The following LAP3 variants were observed in gnomAD, a reference collection of about 807,000 sequenced individuals.
LAP3 encodes the protein cytosol aminopeptidase.
LAP3 carries 46 observed loss-of-function variants against 58.8 expected under a neutral mutation model. The ratio of observed to expected loss-of-function variants is 0.78; its 90% CI spans 0.62 to 1.00. LAP3 has a LOEUF of 1.00. Ranked by LOEUF, LAP3 falls within the 50% of genes least tolerant of loss-of-function variation. The pLI, the probability that LAP3 is intolerant of heterozygous loss-of-function variation, is 0.00. For missense variants in LAP3, 615 were observed against 659.1 expected (o/e 0.93, Z 0.73); for synonymous variants, 257 against 237.7 (o/e 1.08, Z -0.75).
intron 1 of LAP3, among the ~76,000 whole-genome samples, chr4:17,579,572 G>T (rs1311492967): frequency 6.6e-6 from 1 of 152,186 alleles, no homozygotes; most frequent in African/African-American, 2.4e-5. Flanking sequence ...TCTCCTAGGA[G>T]TGAGCACAGA....
Position 17,607,405 on chromosome 4 carries a change from C to T in LAP3, c.1376C>T (p.Ala459Val), listed in dbSNP as rs1714168555. 3.7e-6 allele frequency: 6 copies of T among 1,611,104 alleles called. No homozygotes were observed. The African/African-American group carries it at 4.0e-5, about 11-fold the overall frequency. Residue 459 changes from alanine (A) to valine (V), a missense_variant, in exon 13 of 13, where the codon GCA becomes GTA. Ala to Val is a moderately conservative substitution (Grantham distance 64). Transcript: ENST00000226299. ...CTTTTTGTCTTTCTCTTCAGATCTGCAGGAGCATGTACAGCTGCAGCATTC... is the reference window on the plus strand; with the variant it reads ...CTTTTTGTCTTTCTCTTCAGATCTGTAGGAGCATGTACAGCTGCAGCATTC... ...DVNNIGKYRS[A>V]GACTAAAFLK... is the part of the protein sequence containing the mutation.
chr4:17,603,676 G>A lies in LAP3; in HGVS notation c.1181-912G>A, dbSNP rs182741890. Among the ~76,000 whole-genome samples, 640 of 149,994 alleles carry A rather than the reference G, an allele frequency of 4.3e-3. 3 individuals carry two copies. The highest frequency in any genetic ancestry group is 0.011 in the Middle Eastern group (3 of 284). Reference sequence around the variant, plus strand: ...GATTACAGGCATGCACCCCACGCCCGACTAATTTTGTATTTTTAGTAGAGA... The same window carrying A: ...GATTACAGGCATGCACCCCACGCCCAACTAATTTTGTATTTTTAGTAGAGA... On this transcript the variant is annotated intron_variant, in intron 10 of 12. Coordinates refer to ENST00000226299, the MANE Select transcript of LAP3 (RefSeq NM_015907.3).
chr4:17,580,905 T>C (rs1713345903), intron 2 of LAP3, among the ~76,000 whole-genome samples: 1 of 152,250 alleles, frequency 6.6e-6, no homozygotes, highest in Admixed American at 6.5e-5. Flanking sequence ...TGGAACCTAA[T>C]AGATGCAGTC....
Position 17,606,895 on chromosome 4 carries a change from G to A in LAP3, c.1327G>A (p.Val443Ile), listed in dbSNP as rs1447908593. The A allele has an allele frequency of 2.5e-6, 4 of 1,613,552 alleles. No individual in the cohort carries two copies. The highest frequency in any genetic ancestry group is 2.2e-5 in the South Asian group (2 of 90,966). ...CTTCGAACATTATACAAGACAGGTT[G>A]TAGATTGCCAGCTTGCTGATGTTAA... ...PLFEHYTRQV[V>I]DCQLADVNNI... The change falls in exon 12 of 13, where the codon GTA becomes ATA. Residue 443 changes from valine to isoleucine, a missense_variant. Physicochemically the swap from Val to Ile is conservative, Grantham distance 29. Transcript: ENST00000226299.
rs535635871 is a variant in LAP3, at chr4:17,591,113, G to C, written c.863+2136G>C. On this transcript the variant is annotated intron_variant, in intron 7 of 12. Transcript: ENST00000226299. ...GTTTTTTGAGACGGAATCTTGCTCT[G>C]TTGCCCAGGCTGGAGTGCATTGGCG... Among the ~76,000 whole-genome samples, 10 of 151,246 alleles carry C rather than the reference G, an allele frequency of 6.6e-5. No individual in the cohort carries two copies. The East Asian group carries it at 1.6e-3, about 24-fold the overall frequency.
Position 17,607,606 on chromosome 4 carries a change from T to C in LAP3, c.*17T>C. 2 of 1,582,330 alleles carry C rather than the reference T, an allele frequency of 1.3e-6. No individual in the cohort carries two copies. The highest frequency in any genetic ancestry group is 1.7e-6 in the Non-Finnish European group (2 of 1,164,186). Reference sequence around the variant, plus strand: ...AATGCTTAGTTCAGATACTCAAAAATGTCTTCACTCTGTCTTAAATTGGAC... The same window carrying C: ...AATGCTTAGTTCAGATACTCAAAAACGTCTTCACTCTGTCTTAAATTGGAC... On this transcript the variant is annotated 3_prime_UTR_variant, in exon 13 of 13. Coordinates refer to ENST00000226299, the MANE Select transcript of LAP3 (RefSeq NM_015907.3).
intron 7 of LAP3, among the ~76,000 whole-genome samples, chr4:17,589,968 G>C (rs940790929): frequency 6.6e-6 from 1 of 152,170 alleles, no homozygotes; most frequent in Non-Finnish European, 1.5e-5. Flanking sequence ...ACTGTATCTG[G>C]TTATTTCAGC....
intron 10 of LAP3, 121 bp from the exon 11 acceptor site, chr4:17,604,467 T>A: frequency 1.5e-6 from 1 of 677,432 alleles, no homozygotes; most frequent in Non-Finnish European, 2.7e-6. Flanking sequence ...CCTAAGCTTA[T>A]CTATTTTTGA....
intron 11 of LAP3, among the ~76,000 whole-genome samples, chr4:17,605,416 G>A (rs1400295194): frequency 6.6e-6 from 1 of 152,144 alleles, no homozygotes; most frequent in Non-Finnish European, 1.5e-5. Flanking sequence ...GCCAACACAT[G>A]TTGCCTGATG....
chr4:17,587,139 G>C (rs564388985), intron 6 of LAP3, among the ~76,000 whole-genome samples: 45 of 152,310 alleles, frequency 3.0e-4, no homozygotes, highest in South Asian at 1.9e-3. Flanking sequence ...GAGTCCTGCA[G>C]GTTGCTTAGA....
At position 17,585,021 on chromosome 4, in the gene LAP3, A is replaced by T. The variant is rs143974677; in HGVS notation, c.589A>T (p.Asn197Tyr). Residue 197 changes from asparagine (N) to tyrosine (Y), a missense_variant, in exon 6 of 13, where the codon AAC becomes TAC. Physicochemically the swap from Asn to Tyr is moderately radical, Grantham distance 143. Transcript: ENST00000226299. ...QKGVLFASGQNLARQLMETPA... is the reference protein window; with the variant it reads ...QKGVLFASGQYLARQLMETPA... ...AGGAGTCCTGTTTGCTTCTGGGCAG[A>T]ACTTGGCACGCCAATTGATGGAGAC... The T allele has an allele frequency of 5.6e-6, 9 of 1,614,040 alleles. No homozygotes were observed. The African/African-American group carries it at 1.2e-4, about 22-fold the overall frequency.
In LAP3 at chr4:17,588,859, C is replaced by G. The variant is rs753307674; in HGVS notation, c.745C>G (p.Leu249Val). The G allele has an allele frequency of 6.2e-7, 1 of 1,614,116 alleles. No individual in the cohort carries two copies. The change falls in exon 7 of 13, where the codon CTC becomes GTC. Residue 249 changes from leucine (L) to valine (V), a missense_variant. Transcript: ENST00000226299. Reference protein sequence around the residue: ...WIEEQAMGSFLSVAKGSDEPP... With the variant: ...WIEEQAMGSFVSVAKGSDEPP... The stretch of plus-strand genomic sequence containing the variant: ...TGAGGAACAGGCAATGGGATCATTC[C>G]TCAGTGTGGCCAAAGGATCTGACGA...
intron 9 of LAP3, 54 bp downstream of exon 9, chr4:17,597,188 TG>T (rs1713852691): frequency 6.9e-7 from 1 of 1,451,390 alleles, no homozygotes; most frequent in South Asian, 1.1e-5. Flanking sequence ...AGGAATCCCG[TG>T]GTGGCCACAT....
rs899894017 is a variant in LAP3, at chr4:17,604,724, C to G, written c.1260+57C>G. The G allele has an allele frequency of 3.8e-6, 5 of 1,318,848 alleles. No individual in the cohort carries two copies. In the African/African-American group the frequency reaches 7.2e-5, roughly 19 times the overall value. 81.7% of individuals were successfully genotyped at this position (1,318,848 alleles called of 1,614,324 possible). On this transcript the variant is annotated intron_variant, in intron 11 of 12. Coordinates refer to ENST00000226299, the MANE Select transcript of LAP3 (RefSeq NM_015907.3). ...GAGATGGTGAATAAATTATTCTAGC[C>G]TTAGAAGGATAGACTTCTTCAACCC... is the stretch of plus-strand genomic sequence containing the variant.
In LAP3 at chr4:17,577,496, C is replaced by A; in HGVS notation, c.31C>A (p.Arg11=). 2 of 1,584,744 alleles carry A rather than the reference C, an allele frequency of 1.3e-6. No individual in the cohort carries two copies. The highest frequency in any genetic ancestry group is 1.4e-5 in the African/African-American group (1 of 74,054). Residue 11 remains arginine, a synonymous_variant, in exon 1 of 13, where the codon CGA becomes AGA. Coordinates refer to ENST00000226299, the MANE Select transcript of LAP3 (RefSeq NM_015907.3). MFLLPLPAAG[R]VVVRRLAVRR... is the part of the protein sequence containing the mutation. The stretch of plus-strand genomic sequence containing the variant: ...CTTGCTGCCTCTTCCGGCTGCGGGG[C>A]GAGTAGTCGTCCGACGTCTGGCCGT...
chr4:17,594,878 T>C (rs149676262), intron 7 of LAP3, among the ~76,000 whole-genome samples: 1,768 of 152,264 alleles, frequency 0.012, 36 homozygotes, highest in African/African-American at 0.04. Flanking sequence ...TCATAAAATT[T>C]GCTGAATAGA....
chr4:17,581,885 C>G, intron 3 of LAP3, 71 bp downstream of exon 3: 6 of 1,141,510 alleles, frequency 5.3e-6, no homozygotes, highest in Non-Finnish European at 7.9e-6. Flanking sequence ...TTGGGGCTGT[C>G]TAGTCATACT....
chr4:17,602,258 G>A (rs774759729), intron 10 of LAP3, among the ~76,000 whole-genome samples: 25 of 151,996 alleles, frequency 1.6e-4, no homozygotes, highest in Non-Finnish European at 2.9e-4. Flanking sequence ...GTGCTTTCTG[G>A]GCCCTAAGGA....
intron 11 of LAP3, among the ~76,000 whole-genome samples, chr4:17,605,066 C>CAGA (rs1560152983): frequency 6.6e-6 from 1 of 151,800 alleles, no homozygotes; most frequent in South Asian, 2.1e-4. Context: ...GTGCTCTGTG[C>CAGA]CTCCCTCCAT....
Sources: allele counts gnomAD v4.1 joint callset (sites outside exome capture counted in the v4.1 genomes callset), GRCh38; gene constraint gnomAD v4.1.1; transcripts MANE v1.5; gene names NCBI Gene and HGNC (gene_info 2026-07-23, HGNC 2026-07-21).